CSMD3: variants seen among roughly 807,000 people sequenced by gnomAD.
CSMD3 encodes the protein CUB and Sushi multiple domains 3.
Under a neutral mutation model 435.2 loss-of-function variants are expected in CSMD3, and 177 were observed. The ratio of observed to expected loss-of-function variants is 0.41; its 90% CI spans 0.36 to 0.46. CSMD3 has a LOEUF of 0.46. Among genes scored for constraint, CSMD3 ranks in the 20% least tolerant of loss-of-function variants. The pLI is 0.34. For missense variants in CSMD3, 4,265 were observed against 4,504.6 expected (o/e 0.95, Z 1.52); for synonymous variants, 1,656 against 1,520.5 (o/e 1.09, Z -2.07).
intron 3 of CSMD3, among the ~76,000 whole-genome samples, chr8:113,246,298 T>C (rs983316201): frequency 1.3e-5 from 2 of 152,064 alleles, no homozygotes; most frequent in Non-Finnish European, 2.9e-5. Flanking sequence ...ATAATCTCAA[T>C]TGACCCATTT....
chr8:113,363,129 C>T (rs2094288224), intron 1 of CSMD3, among the ~76,000 whole-genome samples: 1 of 152,164 alleles, frequency 6.6e-6, no homozygotes, highest in African/African-American at 2.4e-5. Context: ...TACATTGACT[C>T]TCATAAGGTT....
At chr8:112,981,502 T>C (rs1409467779) in intron 6 of CSMD3, among the ~76,000 whole-genome samples, 1 of 151,652 alleles carries the variant, frequency 6.6e-6, no homozygotes, top group Non-Finnish European at 1.5e-5. Context: ...AAACCAGTAT[T>C]AAATTTTGCA....
At chr8:113,072,102 T>C (rs747793398) in intron 5 of CSMD3, among the ~76,000 whole-genome samples, 2 of 151,804 alleles carry the variant, frequency 1.3e-5, no homozygotes, top group Admixed American at 6.6e-5. Context: ...CCTTATCATA[T>C]GGTTTGTTGT....
chr8:112,679,820 T>A (rs575017379), intron 16 of CSMD3, among the ~76,000 whole-genome samples: 131 of 152,192 alleles, frequency 8.6e-4, no homozygotes, highest in African/African-American at 3.1e-3. Context: ...TAAAACAAAT[T>A]TCAGTGCAGG....
intron 10 of CSMD3, among the ~76,000 whole-genome samples, chr8:112,898,569 T>G (rs558823530): frequency 6.6e-6 from 1 of 151,218 alleles, no homozygotes; most frequent in African/African-American, 2.4e-5. Context: ...AACAATAAAA[T>G]GTATAAACTT....
At chr8:113,175,033 T>C (rs2092327147) in intron 3 of CSMD3, among the ~76,000 whole-genome samples, 1 of 151,906 alleles carries the variant, frequency 6.6e-6, no homozygotes, top group Admixed American at 6.6e-5. Flanking sequence ...TTTGCTTTGA[T>C]ATTTATTTCA....
In CSMD3 at chr8:112,414,038, G is replaced by C. The variant is rs1469703438; in HGVS notation, c.5396-5006C>G. 2.0e-5 allele frequency among the ~76,000 whole-genome samples: 3 copies of C among 152,074 alleles called. No individual in the cohort carries two copies. The East Asian group carries it at 5.8e-4, about 29-fold the overall frequency. ...TTTGGCCAGAATCCCCCTCATCCCT[G>C]ATGTTTCCTCTTAATAATTTTCCAT... On this transcript the variant is annotated intron_variant, in intron 32 of 70. Transcript: ENST00000297405.
At chr8:113,162,800 G>A (rs989230915) in intron 4 of CSMD3, among the ~76,000 whole-genome samples, 1 of 152,068 alleles carries the variant, frequency 6.6e-6, no homozygotes, top group African/African-American at 2.4e-5. Flanking sequence ...GGTCCACAGA[G>A]AGTGCTTATT....
intron 27 of CSMD3, among the ~76,000 whole-genome samples, chr8:112,534,024 T>A (rs929115944): frequency 1.3e-4 from 20 of 151,756 alleles, no homozygotes; most frequent in African/African-American, 4.8e-4. Context: ...AATGGGTCAG[T>A]GAAGAAATTA....
At chr8:112,818,282 A>G (rs905044101) in intron 12 of CSMD3, among the ~76,000 whole-genome samples, 2 of 152,128 alleles carry the variant, frequency 1.3e-5, no homozygotes, top group African/African-American at 4.8e-5. Context: ...GTTTATTAAA[A>G]TAATTAGAAC....
At chr8:112,631,393 T>A (rs2074510052) in intron 22 of CSMD3, among the ~76,000 whole-genome samples, 1 of 152,104 alleles carries the variant, frequency 6.6e-6, no homozygotes, top group South Asian at 2.1e-4. Flanking sequence ...AGAAAAAGTT[T>A]GCCCACCCCT....
At chr8:112,941,255 A>G (rs1284257722) in intron 9 of CSMD3, among the ~76,000 whole-genome samples, 1 of 151,998 alleles carries the variant, frequency 6.6e-6, no homozygotes, top group Non-Finnish European at 1.5e-5. Context: ...GAAGCCAACT[A>G]TGTGGGACAA....
At chr8:113,170,580 C>T (rs902240994) in intron 4 of CSMD3, among the ~76,000 whole-genome samples, 1 of 152,072 alleles carries the variant, frequency 6.6e-6, no homozygotes, top group African/African-American at 2.4e-5. Flanking sequence ...TAATACCTTC[C>T]TTATCAAGAT....
intron 4 of CSMD3, among the ~76,000 whole-genome samples, chr8:113,101,043 C>T (rs1348126610): frequency 6.6e-6 from 1 of 152,070 alleles, no homozygotes; most frequent in African/African-American, 2.4e-5. Flanking sequence ...ATCAGAGGAT[C>T]TGAATCCTCT....
At chr8:112,361,599 ATATATATATATATATAT>A (rs1827232337) in intron 38 of CSMD3, among the ~76,000 whole-genome samples, 1 of 129,692 alleles carries the variant, frequency 7.7e-6, no homozygotes, top group African/African-American at 2.8e-5. Flanking sequence ...ATATATATAT[ATATATATATATATATAT>A]ATATGTCCTA....
chr8:113,067,377 C>T (rs2088905649), intron 5 of CSMD3, among the ~76,000 whole-genome samples: 4 of 151,938 alleles, frequency 2.6e-5, no homozygotes, highest in Admixed American at 1.3e-4. Context: ...ATTATCAATC[C>T]TACTGAGAGC....
At chr8:113,092,177 T>G (rs1382407169) in intron 5 of CSMD3, among the ~76,000 whole-genome samples, 1 of 152,092 alleles carries the variant, frequency 6.6e-6, no homozygotes, top group Non-Finnish European at 1.5e-5. Flanking sequence ...CTATTAATCT[T>G]CACTTTCTTC....
chr8:113,222,618 G>C (rs957591103), intron 3 of CSMD3, among the ~76,000 whole-genome samples: 5 of 150,994 alleles, frequency 3.3e-5, no homozygotes, highest in Non-Finnish European at 7.4e-5. Flanking sequence ...TTATATGCTT[G>C]AGTTATTTTC....
chr8:113,014,074 G>A (rs981315561), intron 6 of CSMD3, among the ~76,000 whole-genome samples: 21 of 152,114 alleles, frequency 1.4e-4, no homozygotes, highest in African/African-American at 5.1e-4. Context: ...TGAGAGGATG[G>A]CATGGGTCAT....
Sources: allele counts gnomAD v4.1 joint callset (sites outside exome capture counted in the v4.1 genomes callset), GRCh38; gene constraint gnomAD v4.1.1; transcripts MANE v1.5; gene names NCBI Gene and HGNC (gene_info 2026-07-23, HGNC 2026-07-21).